The following USH2A variants were observed in gnomAD, a reference collection of about 807,000 sequenced individuals.
USH2A encodes usherin.
A neutral mutation model predicts 538.9 loss-of-function variants in USH2A; 443 were observed. The observed-to-expected ratio is 0.82, with a 90% CI of 0.76 to 0.89. USH2A has a LOEUF of 0.89. USH2A is among the 40% of genes least tolerant of loss of function. USH2A has a pLI of 0.00. For missense variants in USH2A, 6,633 were observed against 6,324.8 expected, an observed-to-expected ratio of 1.05 and a Z score of -1.65; for synonymous variants, 2,413 against 2,273.5, an observed-to-expected ratio of 1.06 and a Z score of -1.75.
chr1:216,148,914 G>A (rs539477914), intron 21 of USH2A, among the ~76,000 whole-genome samples: 1 of 152,022 alleles, frequency 6.6e-6, no homozygotes, highest in African/African-American at 2.4e-5. Flanking sequence ...CTGCTGCAAA[G>A]CTTCACAGAC....
intron 61 of USH2A, among the ~76,000 whole-genome samples, chr1:215,684,829 G>A (rs955293104): frequency 9.2e-5 from 14 of 152,084 alleles, no homozygotes; most frequent in African/African-American, 3.1e-4. Flanking sequence ...AAGTCACGGG[G>A]TTCCCTTGCC....
At chr1:216,147,147 T>C (rs1188337826) in intron 21 of USH2A, among the ~76,000 whole-genome samples, 1 of 151,976 alleles carries the variant, frequency 6.6e-6, no homozygotes, top group Non-Finnish European at 1.5e-5. Context: ...GTCCCCTCAG[T>C]ACCAACCCCA....
chr1:215,841,891 C>T (rs941832852), intron 46 of USH2A, among the ~76,000 whole-genome samples: 2 of 152,096 alleles, frequency 1.3e-5, no homozygotes, highest in African/African-American at 4.8e-5. Context: ...AGGACATGAA[C>T]AGACACGTCT....
chr1:216,233,455 C>G (rs570938736), intron 13 of USH2A, among the ~76,000 whole-genome samples: 1 of 152,196 alleles, frequency 6.6e-6, no homozygotes, highest in East Asian at 1.9e-4. Context: ...AATCTCATTT[C>G]CACCAAAATC....
intron 11 of USH2A, among the ~76,000 whole-genome samples, chr1:216,285,169 A>G (rs867845210): frequency 6.6e-6 from 1 of 152,194 alleles, no homozygotes; most frequent in Non-Finnish European, 1.5e-5. Flanking sequence ...TCTCCAGGAC[A>G]TGTCTCATCA....
chr1:216,108,559 A>G (rs948934801), intron 21 of USH2A, among the ~76,000 whole-genome samples: 2 of 151,686 alleles, frequency 1.3e-5, no homozygotes, highest in Non-Finnish European at 2.9e-5. Context: ...TTTTCTGCCT[A>G]TTTCTTCTTC....
chr1:215,798,621 T>C lies in USH2A; in HGVS notation c.9958+286A>G, dbSNP rs150116975. 2.5e-3 allele frequency among the ~76,000 whole-genome samples: 378 copies of C among 152,282 alleles called. 1 individual carries two copies. Among genetic ancestry groups the C allele is most frequent in the African/African-American group, 8.6e-3 (358 of 41,582 alleles). On this transcript the variant is annotated intron_variant, in intron 50 of 71. Coordinates refer to ENST00000307340, the MANE Select transcript of USH2A (RefSeq NM_206933.4). Reference sequence around the variant, plus strand: ...ATTTTGTATACTATTTGCTAGGAAATATTCTTTTCATTCATAACCAATGCA... The same window carrying C: ...ATTTTGTATACTATTTGCTAGGAAACATTCTTTTCATTCATAACCAATGCA...
At chr1:216,179,559 C>T (rs541345695) in intron 20 of USH2A, among the ~76,000 whole-genome samples, 1 of 152,164 alleles carries the variant, frequency 6.6e-6, no homozygotes, top group African/African-American at 2.4e-5. Context: ...TACAGTTTCA[C>T]ATGGAGGAGT....
At chr1:216,046,410 T>C (rs2030522321) in intron 32 of USH2A, 21 bp downstream of exon 32, 5 of 1,613,246 alleles carry the variant, frequency 3.1e-6, no homozygotes, top group East Asian at 2.2e-5. Context: ...AACAATTCGC[T>C]GATAACTCTA....
intron 33 of USH2A, among the ~76,000 whole-genome samples, chr1:215,999,763 T>A (rs955925057): frequency 3.3e-5 from 5 of 152,156 alleles, no homozygotes; most frequent in African/African-American, 1.2e-4. Flanking sequence ...AATTTAGACA[T>A]GGAACAATGA....
At chr1:215,719,917 G>C (rs1220220413) in intron 61 of USH2A, among the ~76,000 whole-genome samples, 2 of 152,190 alleles carry the variant, frequency 1.3e-5, no homozygotes, top group Admixed American at 1.3e-4. Flanking sequence ...AATTGATATG[G>C]AAGTAAGGAA....
chr1:215,798,838 G>A lies in USH2A; in HGVS notation c.9958+69C>T, dbSNP rs12132110. On this transcript the variant is annotated intron_variant, in intron 50 of 71. Coordinates refer to ENST00000307340, the MANE Select transcript of USH2A (RefSeq NM_206933.4). ...TAATTACTTATTTGTTTTATTTCTA[G>A]GGCAAATTTCTCACTCTCTCTGCTT... 0.029 allele frequency: 45,351 copies of A among 1,572,504 alleles called. 755 individuals are homozygous for A. Among genetic ancestry groups the A allele is most frequent in the African/African-American group, 0.051 (3,762 of 74,054 alleles).
intron 3 of USH2A, among the ~76,000 whole-genome samples, chr1:216,403,825 T>A (rs1443283287): frequency 1.3e-5 from 2 of 151,960 alleles, no homozygotes; most frequent in Admixed American, 6.6e-5. Context: ...TGGCGGGAGG[T>A]GATTAGATCA....
intron 3 of USH2A, among the ~76,000 whole-genome samples, chr1:216,395,988 AC>A (rs1442074705): frequency 6.6e-6 from 1 of 152,060 alleles, no homozygotes; most frequent in Non-Finnish European, 1.5e-5. Context: ...CACTGTTTCA[AC>A]TCCTCCACAG....
intron 4 of USH2A, among the ~76,000 whole-genome samples, chr1:216,355,378 G>GAAAGAAAAAGAAAGAAAGAAA (rs1191084342): frequency 8.9e-6 from 1 of 112,872 alleles, no homozygotes; most frequent in Admixed American, 9.0e-5. Context: ...AAAGAAAGAA[G>GAAAGAAAAAGAAAGAAAGAAA]GAAAGAAACA....
intron 37 of USH2A, among the ~76,000 whole-genome samples, chr1:215,954,045 A>T (rs1369767168): frequency 6.6e-6 from 1 of 152,226 alleles, no homozygotes. Flanking sequence ...GATGGCAATC[A>T]TTAAAAAGTC....
At chr1:215,681,025 T>G (rs1489796567) in intron 61 of USH2A, among the ~76,000 whole-genome samples, 1 of 152,158 alleles carries the variant, frequency 6.6e-6, no homozygotes, top group African/African-American at 2.4e-5. Flanking sequence ...AAAAGCACCA[T>G]AAGTAAAACT....
chr1:216,303,653 A>G (rs1252275281), intron 9 of USH2A, among the ~76,000 whole-genome samples: 1 of 151,946 alleles, frequency 6.6e-6, no homozygotes, highest in Admixed American at 6.6e-5. Context: ...TATACTATTT[A>G]TATTATTTGT....
chr1:216,179,171 A>G (rs183068534), intron 20 of USH2A, among the ~76,000 whole-genome samples: 3 of 152,246 alleles, frequency 2.0e-5, no homozygotes, highest in African/African-American at 7.2e-5. Context: ...TCCTTCCCCC[A>G]TCAGTAGCAT....
Sources: gnomAD v4.1 joint callset for allele counts (sites outside exome capture counted in the v4.1 genomes callset) on GRCh38, gnomAD v4.1.1 for gene constraint, MANE v1.5 for transcripts, NCBI Gene and HGNC (gene_info 2026-07-23, HGNC 2026-07-21) for gene names.